The following NR3C2 variants were observed in gnomAD, a reference collection of about 807,000 sequenced individuals.
NR3C2 encodes nuclear receptor subfamily 3 group C member 2.
A neutral mutation model predicts 86.4 loss-of-function variants in NR3C2; 15 were observed. That is an observed-to-expected ratio of 0.17 (90% CI 0.12 to 0.27). NR3C2 has a LOEUF of 0.27. NR3C2 is among the 10% of genes least tolerant of loss of function. NR3C2 has a pLI of 1.00. For missense variants in NR3C2, 960 were observed against 1,195.6 expected (o/e 0.80, Z 2.91); for synonymous variants, 458 against 450.5 (o/e 1.02, Z -0.21).
At chr4:148,087,364 T>C (rs1214174223) in intron 8 of NR3C2, among the ~76,000 whole-genome samples, 4 of 152,180 alleles carry the variant, frequency 2.6e-5, no homozygotes, top group African/African-American at 7.2e-5. Flanking sequence ...CCAGCTATCA[T>C]TGACTTTCTT....
At chr4:148,136,522 G>A (rs966744094) in intron 6 of NR3C2, among the ~76,000 whole-genome samples, 1 of 152,048 alleles carries the variant, frequency 6.6e-6, no homozygotes, top group African/African-American at 2.4e-5. Flanking sequence ...AGCATCTCAC[G>A]CCTGGATTGT....
chr4:148,304,575 A>C (rs1247337561), intron 2 of NR3C2, among the ~76,000 whole-genome samples: 1 of 151,974 alleles, frequency 6.6e-6, no homozygotes, highest in Non-Finnish European at 1.5e-5. Context: ...ACTGACTGCC[A>C]TTTTCCCAAA....
intron 8 of NR3C2, among the ~76,000 whole-genome samples, chr4:148,084,637 T>A (rs1278769309): frequency 6.6e-6 from 1 of 152,180 alleles, no homozygotes; most frequent in Non-Finnish European, 1.5e-5. Context: ...GCTAGCATCA[T>A]AATGACAGGA....
At chr4:148,293,029 C>T (rs981421889) in intron 2 of NR3C2, among the ~76,000 whole-genome samples, 7 of 152,056 alleles carry the variant, frequency 4.6e-5, no homozygotes, top group East Asian at 1.9e-4. Flanking sequence ...ATGCATGATA[C>T]GAAACAAAGT....
intron 7 of NR3C2, 104 bp from the exon 8 acceptor site, chr4:148,114,365 C>A: frequency 8.3e-7 from 1 of 1,199,002 alleles, no homozygotes; most frequent in Non-Finnish European, 1.2e-6. Context: ...TACTAAATCT[C>A]AATTAATTGC....
rs1746637703 is a variant in NR3C2 at position 148,375,624 on chromosome 4, G to A, written c.1757+59480C>T. Among the ~76,000 whole-genome samples the A allele has an allele frequency of 3.3e-5, 5 of 152,124 alleles. No homozygotes were observed. The South Asian group carries it at 1.0e-3, about 32-fold the overall frequency. ...AGAGGCATGTCATTTTAATAATGCA[G>A]ATCCTTGGTGTTTTGCTCGTCTATT... On this transcript the variant is annotated intron_variant, in intron 2 of 8. Coordinates refer to ENST00000358102, the MANE Select transcript of NR3C2 (RefSeq NM_000901.5).
chr4:148,251,981 T>C (rs967341404), intron 3 of NR3C2, among the ~76,000 whole-genome samples: 32 of 152,056 alleles, frequency 2.1e-4, no homozygotes, highest in Admixed American at 1.0e-3. Context: ...ATATAGCTGA[T>C]GTGTTAAGTA....
intron 2 of NR3C2, among the ~76,000 whole-genome samples, chr4:148,343,215 G>T (rs1245053195): frequency 6.6e-6 from 1 of 152,116 alleles, no homozygotes; most frequent in African/African-American, 2.4e-5. Flanking sequence ...AAAAACTGAT[G>T]GCCTCATGAT....
chr4:148,127,366 C>T (rs750028520), intron 6 of NR3C2, among the ~76,000 whole-genome samples: 16 of 152,120 alleles, frequency 1.1e-4, no homozygotes, highest in African/African-American at 1.2e-4. Context: ...CTCTTTGCTA[C>T]GTGCTTTTAT....
At chr4:148,100,386 A>C (rs1370454485) in intron 8 of NR3C2, among the ~76,000 whole-genome samples, 2 of 152,236 alleles carry the variant, frequency 1.3e-5, no homozygotes, top group African/African-American at 4.8e-5. Context: ...ACAACAAAAA[A>C]ACAAAAAATT....
At chr4:148,254,520 C>G (rs1022648069) in intron 3 of NR3C2, among the ~76,000 whole-genome samples, 1 of 152,134 alleles carries the variant, frequency 6.6e-6, no homozygotes, top group Non-Finnish European at 1.5e-5. Flanking sequence ...CTATGTGTTC[C>G]CATAACAACC....
chr4:148,245,067 C>G (rs997909611), intron 3 of NR3C2, among the ~76,000 whole-genome samples: 1 of 152,030 alleles, frequency 6.6e-6, no homozygotes. Context: ...CTTGGAGGAG[C>G]CGGGTAGTGT....
At chr4:148,311,314 A>C (rs1252871973) in intron 2 of NR3C2, among the ~76,000 whole-genome samples, 1 of 152,210 alleles carries the variant, frequency 6.6e-6, no homozygotes, top group Non-Finnish European at 1.5e-5. Flanking sequence ...GTAAATGTCT[A>C]ATAGGCACCT....
chr4:148,404,139 T>C (rs1014378477), intron 2 of NR3C2, among the ~76,000 whole-genome samples: 1 of 152,104 alleles, frequency 6.6e-6, no homozygotes, highest in Non-Finnish European at 1.5e-5. Flanking sequence ...TTTTGTAAAG[T>C]AAAAATTCAT....
At chr4:148,105,692 C>T (rs1456142249) in intron 8 of NR3C2, among the ~76,000 whole-genome samples, 1 of 152,218 alleles carries the variant, frequency 6.6e-6, no homozygotes, top group Non-Finnish European at 1.5e-5. Context: ...ATCAAGTTGG[C>T]TTCATCCCTG....
intron 3 of NR3C2, among the ~76,000 whole-genome samples, chr4:148,226,337 C>T (rs1738160752): frequency 6.6e-6 from 1 of 152,136 alleles, no homozygotes; most frequent in Admixed American, 6.6e-5. Context: ...TGGTTTTTGC[C>T]TTTTCTTGAA....
intron 4 of NR3C2, among the ~76,000 whole-genome samples, chr4:148,189,116 A>G (rs2149797867): frequency 1.3e-5 from 2 of 151,948 alleles, no homozygotes; most frequent in Non-Finnish European, 2.9e-5. Flanking sequence ...TTTAGTAGAG[A>G]CGGGGTTTTG....
chr4:148,321,661 T>C (rs1485335659), intron 2 of NR3C2, among the ~76,000 whole-genome samples: 2 of 152,120 alleles, frequency 1.3e-5, no homozygotes, highest in Admixed American at 6.5e-5. Context: ...TTGATCTTTG[T>C]TGGTTTAAAG....
Position 148,079,853 on chromosome 4 carries a change from C to T in NR3C2, c.*1491G>A, listed in dbSNP as rs527827388. On this transcript the variant is annotated 3_prime_UTR_variant, in exon 9 of 9. Coordinates refer to ENST00000358102, the MANE Select transcript of NR3C2 (RefSeq NM_000901.5). Reference sequence around the variant, plus strand: ...ACTGAACCTTGCCAAGATGGGCCGTCCCAGCGCATCCTGCCATGATCTGTG... The same window carrying T: ...ACTGAACCTTGCCAAGATGGGCCGTTCCAGCGCATCCTGCCATGATCTGTG... 230 of 152,684 alleles carry T rather than the reference C, an allele frequency of 1.5e-3. 2 individuals are homozygous for T. The highest frequency in any genetic ancestry group is 9.9e-3 in the Admixed American group (152 of 15,308). The allele number at this position is 152,684 out of a possible 1,614,324, so 9.5% of individuals were successfully genotyped here. A position where few individuals can be genotyped will look rare whatever the true frequency, so the allele number is the denominator to read the frequency against.
Sources: gnomAD v4.1 joint callset for allele counts (sites outside exome capture counted in the v4.1 genomes callset) on GRCh38, gnomAD v4.1.1 for gene constraint, MANE v1.5 for transcripts, NCBI Gene and HGNC (gene_info 2026-07-23, HGNC 2026-07-21) for gene names.